Variants in CDH12 observed in about 807,000 individuals in gnomAD.
The protein encoded by CDH12 is cadherin 12, also known as cadherin-12.
CDH12 carries 41 observed loss-of-function variants against 74.1 expected under a neutral mutation model. The ratio of observed to expected loss-of-function variants is 0.55; its 90% confidence interval spans 0.43 to 0.72. The LOEUF (loss-of-function observed/expected upper bound fraction) is 0.72. CDH12 is among the 30% of genes least tolerant of loss of function. The pLI, the probability that CDH12 is intolerant of heterozygous loss-of-function variation, is 0.00. For missense variants in CDH12, 945 were observed against 977.2 expected, an observed-to-expected ratio of 0.97 and a Z score of 0.44; for synonymous variants, 399 against 355.0, an observed-to-expected ratio of 1.12 and a Z score of -1.39.
chr5:22,703,672 A>AT (rs1224458376), intron 1 of CDH12, among the ~76,000 whole-genome samples: 2 of 152,084 alleles, frequency 1.3e-5, no homozygotes, highest in Non-Finnish European at 2.9e-5. Context: ...TTCCCTTTTT[A>AT]TTTTCCAATG....
chr5:22,778,053 C>A (rs1286186659), intron 1 of CDH12, among the ~76,000 whole-genome samples: 1 of 152,154 alleles, frequency 6.6e-6, no homozygotes, highest in Non-Finnish European at 1.5e-5. Flanking sequence ...GATCAGCCCA[C>A]CTCAGCCTCC....
At chr5:22,314,501 C>A (rs1018824779) in intron 3 of CDH12, among the ~76,000 whole-genome samples, 1 of 152,124 alleles carries the variant, frequency 6.6e-6, no homozygotes, top group Non-Finnish European at 1.5e-5. Context: ...AGAAACTGAA[C>A]CTGCTGCCGT....
intron 1 of CDH12, among the ~76,000 whole-genome samples, chr5:22,694,998 A>G (rs755781677): frequency 2.4e-4 from 36 of 151,380 alleles, no homozygotes; most frequent in Non-Finnish European, 4.6e-4. Flanking sequence ...CTTGCCCCCA[A>G]CCCACCGACG....
chr5:22,017,903 A>G (rs749099946), intron 5 of CDH12, among the ~76,000 whole-genome samples: 33 of 151,888 alleles, frequency 2.2e-4, no homozygotes, highest in Non-Finnish European at 4.0e-4. Context: ...GGGATTAAAG[A>G]CATGCACCAC....
At chr5:22,762,538 A>G (rs1407064917) in intron 1 of CDH12, among the ~76,000 whole-genome samples, 1 of 152,024 alleles carries the variant, frequency 6.6e-6, no homozygotes, top group East Asian at 1.9e-4. Context: ...TTATGTCATC[A>G]GCTTTTTTTG....
chr5:22,520,245 A>G (rs902951605), intron 1 of CDH12, among the ~76,000 whole-genome samples: 10 of 152,150 alleles, frequency 6.6e-5, no homozygotes, highest in African/African-American at 2.4e-4. Context: ...TTATATAAAA[A>G]TTTATTTTTA....
intron 3 of CDH12, among the ~76,000 whole-genome samples, chr5:22,401,599 T>C (rs1271430276): frequency 1.3e-5 from 2 of 152,166 alleles, no homozygotes; most frequent in Non-Finnish European, 2.9e-5. Flanking sequence ...AATACTATAA[T>C]AGTTCATTTA....
chr5:22,377,460 G>C (rs1051125566), intron 3 of CDH12, among the ~76,000 whole-genome samples: 11 of 152,166 alleles, frequency 7.2e-5, no homozygotes, highest in African/African-American at 2.4e-4. Flanking sequence ...CCAGCACAGT[G>C]AGGGCCAAGT....
intron 5 of CDH12, among the ~76,000 whole-genome samples, chr5:21,999,519 A>G (rs979328977): frequency 4.7e-4 from 71 of 152,192 alleles, no homozygotes; most frequent in Admixed American, 1.6e-3. Context: ...AGCAGCCTGA[A>G]ACATATATTC....
intron 1 of CDH12, among the ~76,000 whole-genome samples, chr5:22,534,479 C>T (rs1300216259): frequency 2.6e-5 from 4 of 152,166 alleles, no homozygotes; most frequent in Non-Finnish European, 4.4e-5. Context: ...AGTTTCTTCA[C>T]TTTGAATAAT....
chr5:22,224,609 C>T (rs1308233660), intron 3 of CDH12, among the ~76,000 whole-genome samples: 1 of 151,992 alleles, frequency 6.6e-6, no homozygotes, highest in African/African-American at 2.4e-5. Context: ...AAATATGTAA[C>T]ATCTTTCTTT....
intron 4 of CDH12, among the ~76,000 whole-genome samples, chr5:22,204,964 A>G (rs1295398667): frequency 2.0e-5 from 3 of 152,156 alleles, no homozygotes; most frequent in Non-Finnish European, 4.4e-5. Context: ...TCCCACCATC[A>G]GGCTGAGCAT....
At chr5:22,094,964 C>T (rs2150242582) in intron 4 of CDH12, among the ~76,000 whole-genome samples, 1 of 152,226 alleles carries the variant, frequency 6.6e-6, no homozygotes, top group East Asian at 1.9e-4. Context: ...CTTTGCTGAC[C>T]CTCTTTTCGG....
intron 1 of CDH12, among the ~76,000 whole-genome samples, chr5:22,652,350 T>C (rs1237668720): frequency 1.3e-5 from 2 of 152,158 alleles, no homozygotes. Context: ...AGCCTTGTTC[T>C]TGACATTCTG....
intron 1 of CDH12, among the ~76,000 whole-genome samples, chr5:22,540,976 A>G (rs927392948): frequency 6.6e-6 from 1 of 152,190 alleles, no homozygotes; most frequent in Non-Finnish European, 1.5e-5. Context: ...TGAGATGTAG[A>G]AAATAATCTC....
At chr5:21,778,815 C>T (rs1291682264) in intron 11 of CDH12, among the ~76,000 whole-genome samples, 2 of 152,006 alleles carry the variant, frequency 1.3e-5, no homozygotes, top group Non-Finnish European at 2.9e-5. Flanking sequence ...CCAAAAAATG[C>T]ATGAATTTAT....
intron 1 of CDH12, among the ~76,000 whole-genome samples, chr5:22,745,364 G>A (rs943727955): frequency 6.6e-6 from 1 of 151,960 alleles, no homozygotes; most frequent in African/African-American, 2.4e-5. Flanking sequence ...GAACATTGAA[G>A]TTATATAATC....
chr5:22,686,938 T>C (rs776319613), intron 1 of CDH12, among the ~76,000 whole-genome samples: 1 of 152,194 alleles, frequency 6.6e-6, no homozygotes, highest in Non-Finnish European at 1.5e-5. Context: ...CCTCAAAAGT[T>C]GTCCCTGTAT....
intron 1 of CDH12, among the ~76,000 whole-genome samples, chr5:22,594,941 T>C (rs911114520): frequency 6.6e-6 from 1 of 152,136 alleles, no homozygotes; most frequent in Non-Finnish European, 1.5e-5. Flanking sequence ...AGTGTAACAC[T>C]CGGCACAGTT....
Sources: gnomAD v4.1 joint callset for allele counts (sites outside exome capture counted in the v4.1 genomes callset) on GRCh38, gnomAD v4.1.1 for gene constraint, MANE v1.5 for transcripts, NCBI Gene and HGNC (gene_info 2026-07-23, HGNC 2026-07-21) for gene names.